The following COLGALT2 variants were observed in gnomAD, a reference collection of about 807,000 sequenced individuals.
COLGALT2 encodes procollagen galactosyltransferase 2.
Under a neutral mutation model 73.4 loss-of-function variants are expected in COLGALT2, and 49 were observed. The observed-to-expected ratio is 0.67, with a 90% confidence interval of 0.53 to 0.85. The LOEUF (loss-of-function observed/expected upper bound fraction) is 0.85. COLGALT2 is among the 40% of genes least tolerant of loss of function. The pLI is 0.00. For missense variants in COLGALT2, 722 were observed against 790.2 expected (o/e 0.91, Z 1.03); for synonymous variants, 295 against 307.6 (o/e 0.96, Z 0.43).
chr1:184,004,070 C>T (rs981178349), intron 1 of COLGALT2, among the ~76,000 whole-genome samples: 10 of 152,078 alleles, frequency 6.6e-5, no homozygotes, highest in East Asian at 3.9e-4. Context: ...GGATCTAAAA[C>T]GGCATTATTT....
At chr1:183,990,831 G>A (rs551582971) in intron 1 of COLGALT2, among the ~76,000 whole-genome samples, 17 of 152,366 alleles carry the variant, frequency 1.1e-4, no homozygotes, top group African/African-American at 4.1e-4. Context: ...AATTGTCAGG[G>A]ATAGGGTAGG....
At chr1:184,008,108 A>T (rs1466798077) in intron 1 of COLGALT2, among the ~76,000 whole-genome samples, 1 of 152,200 alleles carries the variant, frequency 6.6e-6, no homozygotes, top group Non-Finnish European at 1.5e-5. Context: ...CATCACTAGA[A>T]AGGGGCAAAC....
chr1:184,000,354 T>C (rs1671883469), intron 1 of COLGALT2, among the ~76,000 whole-genome samples: 1 of 152,118 alleles, frequency 6.6e-6, no homozygotes, highest in Admixed American at 6.5e-5. Context: ...CCTCTCATTT[T>C]ATGTTTCTCC....
intron 1 of COLGALT2, among the ~76,000 whole-genome samples, chr1:184,006,961 C>A (rs1188274520): frequency 6.6e-6 from 1 of 152,182 alleles, no homozygotes; most frequent in Non-Finnish European, 1.5e-5. Flanking sequence ...CTTGGTTGTT[C>A]ATTCTAGTTT....
At chr1:184,035,850 C>T (rs1487151767) in intron 1 of COLGALT2, among the ~76,000 whole-genome samples, 1 of 152,180 alleles carries the variant, frequency 6.6e-6, no homozygotes, top group African/African-American at 2.4e-5. Context: ...TGCCCTTCTC[C>T]GCCAGGCGGT....
intron 1 of COLGALT2, among the ~76,000 whole-genome samples, chr1:184,001,784 T>A: frequency 6.6e-6 from 1 of 152,212 alleles, no homozygotes; most frequent in East Asian, 1.9e-4. Context: ...TGAAATCACA[T>A]AGAAATATAA....
intron 1 of COLGALT2, among the ~76,000 whole-genome samples, chr1:184,033,115 T>G (rs573040399): frequency 6.6e-6 from 1 of 152,354 alleles, no homozygotes; most frequent in Non-Finnish European, 1.5e-5. Context: ...ACTCTGTGAA[T>G]CCCAACTGTC....
intron 6 of COLGALT2, among the ~76,000 whole-genome samples, chr1:183,959,205 C>T (rs1052888741): frequency 2.6e-5 from 4 of 152,154 alleles, no homozygotes; most frequent in Non-Finnish European, 4.4e-5. Flanking sequence ...AGGGATCTGT[C>T]CTCTTCTCAT....
chr1:183,942,032 T>C (rs748843655), intron 10 of COLGALT2, among the ~76,000 whole-genome samples: 9 of 151,606 alleles, frequency 5.9e-5, no homozygotes, highest in Admixed American at 1.3e-4. Flanking sequence ...CACTGTAAGC[T>C]CCGCCTCCTG....
intron 8 of COLGALT2, among the ~76,000 whole-genome samples, chr1:183,949,482 G>A (rs1037687080): frequency 2.0e-5 from 3 of 152,168 alleles, no homozygotes; most frequent in Non-Finnish European, 4.4e-5. Context: ...CGAGGGAAAC[G>A]AAAGTCTTTT....
rs147244214 is a variant in COLGALT2, at chr1:183,993,850, C to T, written c.264-15330G>A. On this transcript the variant is annotated intron_variant, in intron 1 of 11. Coordinates refer to ENST00000361927, the MANE Select transcript of COLGALT2 (RefSeq NM_015101.4). ...TGTTTAGAGAGGGAATTAGGCATTA[C>T]CAGAGCTAGATTTGAACTCACTGAC... Among the ~76,000 whole-genome samples, 90 of 152,134 alleles carry T rather than the reference C, an allele frequency of 5.9e-4. 1 individual carries two copies. The East Asian group carries it at 0.017, about 28-fold the overall frequency.
intron 7 of COLGALT2, 79 bp from the exon 8 acceptor site, chr1:183,951,192 GT>G: frequency 3.0e-6 from 3 of 994,258 alleles, no homozygotes; most frequent in Non-Finnish European, 4.8e-6. Flanking sequence ...TTTAGTAAAT[GT>G]TTTAGATAGA....
intron 1 of COLGALT2, among the ~76,000 whole-genome samples, chr1:183,988,266 C>A (rs1671539534): frequency 6.6e-6 from 1 of 152,206 alleles, no homozygotes; most frequent in Non-Finnish European, 1.5e-5. Context: ...TAAGTGTACA[C>A]TTCCTGCAAA....
Position 183,936,983 on chromosome 1 carries a change from G to A in COLGALT2, c.*1778C>T. 1 of 1,231,756 alleles carries A rather than the reference G, an allele frequency of 8.1e-7. No individual in the cohort carries two copies. The highest frequency in any genetic ancestry group is 1.5e-5 in the African/African-American group (1 of 64,536). The allele number at this position is 1,231,756 out of a possible 1,614,324, so 76.3% of individuals were successfully genotyped here. Reference sequence around the variant, plus strand: ...AGGCTGCCTTGACTACCTATTTGGTGATGAGACAGCTTGGTGATCACTTTC... The same window carrying A: ...AGGCTGCCTTGACTACCTATTTGGTAATGAGACAGCTTGGTGATCACTTTC... On this transcript the variant is annotated 3_prime_UTR_variant, in exon 12 of 12. Transcript: ENST00000361927.
intron 1 of COLGALT2, among the ~76,000 whole-genome samples, chr1:184,005,871 T>C (rs6689337): frequency 0.01 from 1,546 of 152,298 alleles, 25 homozygotes; most frequent in African/African-American, 0.035. Context: ...GATGAGAATG[T>C]CAGAGAAAGT....
At chr1:183,968,569 A>G (rs1670942222) in intron 5 of COLGALT2, among the ~76,000 whole-genome samples, 1 of 152,184 alleles carries the variant, frequency 6.6e-6, no homozygotes, top group African/African-American at 2.4e-5. Flanking sequence ...CATGCAGAGA[A>G]TAAAGACGAC....
chr1:183,970,403 T>C (rs1671004992), intron 4 of COLGALT2, among the ~76,000 whole-genome samples: 2 of 152,222 alleles, frequency 1.3e-5, no homozygotes, highest in Non-Finnish European at 2.9e-5. Flanking sequence ...AAGGGCACCA[T>C]ACTCTGGAAG....
chr1:183,959,741 G>A (rs12129218), intron 6 of COLGALT2, among the ~76,000 whole-genome samples: 4,922 of 151,944 alleles, frequency 0.032, 90 homozygotes, highest in East Asian at 0.061. Flanking sequence ...CATCTTCCAC[G>A]GATTCCCATT....
At chr1:184,032,078 G>C (rs1366300559) in intron 1 of COLGALT2, among the ~76,000 whole-genome samples, 1 of 152,086 alleles carries the variant, frequency 6.6e-6, no homozygotes, top group African/African-American at 2.4e-5. Context: ...ATTTCTTGTA[G>C]AGATGGAGTT....
Sources: gnomAD v4.1 joint callset for allele counts (sites outside exome capture counted in the v4.1 genomes callset) on GRCh38, gnomAD v4.1.1 for gene constraint, MANE v1.5 for transcripts, NCBI Gene and HGNC (gene_info 2026-07-23, HGNC 2026-07-21) for gene names.